The following GOLGA2 variants were observed in gnomAD, a reference collection of about 807,000 sequenced individuals.
The protein encoded by GOLGA2 is golgin subfamily A member 2.
A neutral mutation model predicts 148.8 loss-of-function variants in GOLGA2; 49 were observed. The observed-to-expected ratio is 0.33, with a 90% CI of 0.26 to 0.42. The LOEUF (loss-of-function observed/expected upper bound fraction) is 0.42, where lower values mean the gene tolerates loss of function less well. Among genes scored for constraint, GOLGA2 ranks in the 10% least tolerant of loss-of-function variants. The pLI is 1.00. For synonymous variants in GOLGA2, 501 were observed against 511.8 expected (o/e 0.98, Z 0.28); for missense variants, 1,178 against 1,304.6 (o/e 0.90, Z 1.49).
At chr9:128,265,083 A>T (rs898746813) in intron 12 of GOLGA2, among the ~76,000 whole-genome samples, 1 of 152,192 alleles carries the variant, frequency 6.6e-6, no homozygotes, top group Admixed American at 6.5e-5. Flanking sequence ...TGAAAGGATG[A>T]TATATTCAGA....
In GOLGA2 at chr9:128,259,097, A is replaced by AAG; in HGVS notation, c.2098-17_2098-16dup. ...TCCAGGCGCTCCTAAGGGGCCAGAA[A>AAG]AGAGAGTGAGAAGGCATGGAGGTTG... is the stretch of plus-strand genomic sequence containing the variant. On this transcript the variant is annotated splice_polypyrimidine_tract_variant and intron_variant, in intron 20 of 26. Transcript: ENST00000611957. The AAG allele has an allele frequency of 1.2e-6, 2 of 1,610,786 alleles. No homozygotes were observed. The highest frequency in any genetic ancestry group is 1.7e-6 in the Non-Finnish European group (2 of 1,177,176).
chr9:128,272,193 A>G (rs1480736564), intron 3 of GOLGA2, among the ~76,000 whole-genome samples: 1 of 151,692 alleles, frequency 6.6e-6, no homozygotes, highest in Non-Finnish European at 1.5e-5. Flanking sequence ...CCCAAATCCC[A>G]GAATCCCAGA....
In GOLGA2 at chr9:128,261,428, G is replaced by C; in HGVS notation, c.1332+26C>G. On this transcript the variant is annotated intron_variant, in intron 16 of 26. Transcript: ENST00000611957. The surrounding 1 kb of genome is among the most constrained non-coding windows in gnomAD (Gnocchi z 5.7). ...GATCAAGTGACCTATCTAAGGTTGA[G>C]GGGGAGCTGAAGGGTCAGGTCTCAC... 1 of 1,360,920 alleles carries C rather than the reference G, an allele frequency of 7.3e-7. No individual in the cohort carries two copies. The highest frequency in any genetic ancestry group is 1.2e-5 in the South Asian group (1 of 86,018). 84.3% of individuals were successfully genotyped at this position (1,360,920 alleles called of 1,614,324 possible). A position where few individuals can be genotyped will look rare whatever the true frequency, so the allele number is the denominator to read the frequency against.
At position 128,265,855 on chromosome 9, in the gene GOLGA2, G is replaced by A. The variant is rs199686673; in HGVS notation, c.759C>T (p.Leu253=). 6.8e-6 allele frequency: 11 copies of A among 1,613,314 alleles called. No homozygotes were observed. The highest frequency in any genetic ancestry group is 6.7e-5 in the Admixed American group (4 of 60,020). ...TCTGTAACTCAGCTTTCTCTGATAC[G>A]AGGATCCCTATGGTCTGAATGTGAA... ...LQVHIQTIGI[L]VSEKAELQTA... The change falls in exon 11 of 27, where the codon CTC becomes CTT. Residue 253 remains leucine (L), a synonymous_variant. Coordinates refer to ENST00000611957, the MANE Select transcript of GOLGA2 (RefSeq NM_001366244.2).
chr9:128,267,628 C>T, intron 6 of GOLGA2, 111 bp from the exon 7 acceptor site: 4 of 829,396 alleles, frequency 4.8e-6, no homozygotes, highest in Non-Finnish European at 6.1e-6. Context: ...AACTTGGACC[C>T]TCTGTCCCGT....
At chr9:128,270,275 G>A (rs568890852) in intron 3 of GOLGA2, among the ~76,000 whole-genome samples, 1 of 151,928 alleles carries the variant, frequency 6.6e-6, no homozygotes, top group East Asian at 1.9e-4. Context: ...GGGATTATAG[G>A]TGCACGCTAC....
Position 128,271,174 on chromosome 9 carries a change from C to T in GOLGA2, c.288+1611G>A, listed in dbSNP as rs1830919509. Among the ~76,000 whole-genome samples the T allele has an allele frequency of 6.6e-6, 1 of 152,176 alleles. No individual in the cohort carries two copies. On this transcript the variant is annotated intron_variant, in intron 3 of 26. Transcript: ENST00000611957. This position sits in a 1 kb window ranked among gnomAD's most constrained non-coding sequence, Gnocchi z 4.4. ...GCTGAAGACCCCCTAATCCACTGGACCATTGGCAGAGCAAAAGCCAAATGC... is the reference window on the plus strand; with the variant it reads ...GCTGAAGACCCCCTAATCCACTGGATCATTGGCAGAGCAAAAGCCAAATGC...
rs559567401 is a variant in GOLGA2 at position 128,258,147 on chromosome 9, G to A, written c.2341C>T (p.Leu781=). The change falls in exon 23 of 27, where the codon CTA becomes TTA. Residue 781 remains leucine, a synonymous_variant. Coordinates refer to ENST00000611957, the MANE Select transcript of GOLGA2 (RefSeq NM_001366244.2). This position sits in a 1 kb window ranked among gnomAD's most constrained non-coding sequence, Gnocchi z 6.6. ...VASAEEEQAR[L]RGQLKEQRVR... is the part of the protein sequence containing the mutation. Reference sequence around the variant, plus strand: ...CTTTGCTCCTTCAGCTGCCCACGTAGCCTTGCCTGCTCCTCCTCGGCACTG... The same window carrying A: ...CTTTGCTCCTTCAGCTGCCCACGTAACCTTGCCTGCTCCTCCTCGGCACTG... 1.3e-5 allele frequency: 21 copies of A among 1,607,034 alleles called. No homozygotes were observed. Among genetic ancestry groups the A allele is most frequent in the Non-Finnish European group, 1.8e-5 (21 of 1,178,720 alleles).
At chr9:128,268,078 C>G (rs375191721) in intron 5 of GOLGA2, 39 bp downstream of exon 5, 426 of 1,607,108 alleles carry the variant, frequency 2.7e-4, no homozygotes, top group Non-Finnish European at 3.5e-4. Flanking sequence ...CCCTGACTCT[C>G]TCAGCCTAGA....
In GOLGA2 at chr9:128,260,533, G is replaced by C; in HGVS notation, c.1690C>G (p.Arg564Gly). 6.2e-7 allele frequency: 1 copy of C among 1,613,372 alleles called. No homozygotes were observed. The highest frequency in any genetic ancestry group is 8.5e-7 in the Non-Finnish European group (1 of 1,179,986). ...TMQNDRTTIS[R>G]ALSQNRELKE... ...AGCTCCCGGTTCTGGGAGAGTGCGC[G>C]GCTGATGGTAGTGCGGTCGTTCTGC... The change falls in exon 18 of 27, where the codon CGC becomes GGC. Residue 564 changes from arginine to glycine, a missense_variant. Arg to Gly is a moderately radical substitution (Grantham distance 125). Around this residue, in one of 5 missense-constraint regions of GOLGA2, gnomAD observed 529 missense variants for 521.8 expected, o/e 1.01. Transcript: ENST00000611957. This position sits in a 1 kb window ranked among gnomAD's most constrained non-coding sequence, Gnocchi z 4.8.
In GOLGA2 at chr9:128,266,994, G is replaced by A; in HGVS notation, c.642+200C>T. ...CGAGCAGGGGTGTCTAGAGAAGAGA[G>A]AGTAGGCAAAGAGGGCAGCAACAGA... On this transcript the variant is annotated intron_variant, in intron 8 of 26. Coordinates refer to ENST00000611957, the MANE Select transcript of GOLGA2 (RefSeq NM_001366244.2). This position sits in a 1 kb window ranked among gnomAD's most constrained non-coding sequence, Gnocchi z 4.2. The A allele has an allele frequency of 1.6e-6, 1 of 628,430 alleles. No homozygotes were observed. The allele number at this position is 628,430 out of a possible 1,614,324, so 38.9% of individuals were successfully genotyped here.
At chr9:128,262,032 C>T (rs1319086676) in intron 14 of GOLGA2, 2 of 419,320 alleles carry the variant, frequency 4.8e-6, no homozygotes, top group South Asian at 2.8e-5. Context: ...GGCAAAGCCC[C>T]GTATCTACAA....
At position 128,265,829 on chromosome 9, in the gene GOLGA2, G is replaced by A. The variant is rs1265020241; in HGVS notation, c.785C>T (p.Thr262Ile). Residue 262 changes from threonine to isoleucine, a missense_variant, in exon 11 of 27, where the codon ACA (threonine) becomes ATA (isoleucine). Coordinates refer to ENST00000611957, the MANE Select transcript of GOLGA2 (RefSeq NM_001366244.2). ...AGCATGCTGAGTGTGAGCCAGGGCT[G>A]TCTGTAACTCAGCTTTCTCTGATAC... Reference protein sequence around the residue: ...ILVSEKAELQTALAHTQHAAR... With the variant: ...ILVSEKAELQIALAHTQHAAR... 9 of 1,613,972 alleles carry A rather than the reference G, an allele frequency of 5.6e-6. No homozygotes were observed. Among genetic ancestry groups the A allele is most frequent in the Admixed American group, 1.7e-5 (1 of 60,028 alleles).
chr9:128,268,426 T>G lies in GOLGA2; in HGVS notation c.387A>C (p.Ala129=), dbSNP rs534218911. Residue 129 remains alanine, a synonymous_variant, in exon 4 of 27, where the codon GCA becomes GCC. Coordinates refer to ENST00000611957, the MANE Select transcript of GOLGA2 (RefSeq NM_001366244.2). The part of the protein sequence containing the change: ...SPGASLTSMA[A]SQNHDADNVP... Reference sequence around the variant, plus strand: ...AGGGGGAGGAGGCACGAACCTGAGATGCCGCCATGCTAGTGAGACTGGCAC... The same window carrying G: ...AGGGGGAGGAGGCACGAACCTGAGAGGCCGCCATGCTAGTGAGACTGGCAC... The G allele has an allele frequency of 2.7e-5, 43 of 1,586,824 alleles. No homozygotes were observed. In the African/African-American group the frequency reaches 3.9e-4, roughly 14 times the overall value.
At chr9:128,275,606 A>C in intron 1 of GOLGA2, 1 of 884,088 alleles carries the variant, frequency 1.1e-6, no homozygotes, top group Non-Finnish European at 1.6e-6. Flanking sequence ...CGCCAGCCCA[A>C]AGAGCCCAGG....
At position 128,271,272 on chromosome 9, in the gene GOLGA2, GTGAGTCAC is replaced by G. The variant is rs912598505; in HGVS notation, c.288+1505_288+1512del. 6.6e-6 allele frequency among the ~76,000 whole-genome samples: 1 copy of G among 152,176 alleles called. No individual in the cohort carries two copies. Among genetic ancestry groups the G allele is most frequent in the African/African-American group, 2.4e-5 (1 of 41,428 alleles). The stretch of plus-strand genomic sequence containing the variant: ...TCAGCGTCTCCTCTGAGCTGGCAAG[GTGAGTCAC>G]AGCACCTGGACAGACCTGATCAACT... On this transcript the variant is annotated intron_variant, in intron 3 of 26. Coordinates refer to ENST00000611957, the MANE Select transcript of GOLGA2 (RefSeq NM_001366244.2). This position sits in a 1 kb window ranked among gnomAD's most constrained non-coding sequence, Gnocchi z 4.4.
Position 128,267,973 on chromosome 9 carries a change from C to T in GOLGA2, c.462G>A (p.Leu154=). 6.2e-7 allele frequency: 1 copy of T among 1,613,736 alleles called. No homozygotes were observed. The highest frequency in any genetic ancestry group is 8.5e-7 in the Non-Finnish European group (1 of 1,179,726). The change falls in exon 6 of 27, where the codon CTG becomes CTA. Residue 154 remains leucine, a synonymous_variant. Transcript: ENST00000611957. ...CATTGAGCTGTTGGGAGAGTTGTCGCAGGCTCTCGGTTGATGAGAAAGTCC... is the reference window on the plus strand; with the variant it reads ...CATTGAGCTGTTGGGAGAGTTGTCGTAGGCTCTCGGTTGATGAGAAAGTCC... ...ETKTFSSTES[L]RQLSQQLNGL...
chr9:128,270,404 T>C (rs917434633), intron 3 of GOLGA2, among the ~76,000 whole-genome samples: 1 of 152,132 alleles, frequency 6.6e-6, no homozygotes, highest in Non-Finnish European at 1.5e-5. Flanking sequence ...AGTGCTGGGA[T>C]TACAGGCATG....
At position 128,261,296 on chromosome 9, in the gene GOLGA2, G is replaced by A. The variant is rs1830259184; in HGVS notation, c.1333-37C>T. On this transcript the variant is annotated intron_variant, in intron 16 of 26. Transcript: ENST00000611957. This position sits in a 1 kb window ranked among gnomAD's most constrained non-coding sequence, Gnocchi z 5.7. The stretch of plus-strand genomic sequence containing the variant: ...ACAGCAAGAAAGGGCCCTGGAGAGG[G>A]GCTGGTGGCTGGACAGGCTACCATC... 6.6e-7 allele frequency: 1 copy of A among 1,519,232 alleles called. No individual in the cohort carries two copies. The highest frequency in any genetic ancestry group is 1.7e-5 in the Admixed American group (1 of 59,842). The allele number at this position is 1,519,232 out of a possible 1,614,324, so 94.1% of individuals were successfully genotyped here.
Sources: gnomAD v4.1 joint callset for allele counts (sites outside exome capture counted in the v4.1 genomes callset) on GRCh38, gnomAD v4.1.1 for gene constraint, gnomAD v4.1.1 regional missense constraint, Gnocchi (gnomAD v3.1) non-coding constraint, MANE v1.5 for transcripts, NCBI Gene and HGNC (gene_info 2026-07-23, HGNC 2026-07-21) for gene names.